The following KIAA1210 variants were observed in gnomAD, a reference collection of about 807,000 sequenced individuals.
KIAA1210 encodes the protein acrosomal protein KIAA1210.
KIAA1210 carries 48 observed loss-of-function variants against 78.9 expected under a neutral mutation model. The observed-to-expected ratio is 0.61, with a 90% CI of 0.48 to 0.77. The LOEUF is 0.77. KIAA1210 is among the 30% of genes least tolerant of loss of function. The pLI, the probability that KIAA1210 is intolerant of heterozygous loss-of-function variation, is 0.00. For missense variants in KIAA1210, 1,108 were observed against 1,100.0 expected, an observed-to-expected ratio of 1.01 and a Z score of -0.10; for synonymous variants, 406 against 404.5, an observed-to-expected ratio of 1.00 and a Z score of -0.04.
rs762220292 is a variant in KIAA1210 at position 119,087,828 on chromosome X, T to C, written c.2874A>G (p.Gln958=). The change falls in exon 9 of 12, where the codon CAA becomes CAG. Residue 958 remains glutamine, a synonymous_variant. Transcript: ENST00000691062. ...SQLTVGNKVQ[Q]LSSNFERAAI... is the part of the protein sequence containing the mutation. ...CAGCCCGCTCGAAATTTGAGGACAG[T>C]TGCTGGACTTTATTTCCCACAGTCA... 3.3e-6 allele frequency: 4 copies of C among 1,211,480 alleles called. No individual in the cohort carries two copies. The Admixed American group carries it at 8.7e-5, about 26-fold the overall frequency.
chrX:119,087,727 T>C lies in KIAA1210; in HGVS notation c.2975A>G (p.Gln992Arg), dbSNP rs750723232. 32 of 1,210,135 alleles carry C rather than the reference T, an allele frequency of 2.6e-5. No homozygotes were observed. In the East Asian group the frequency reaches 9.5e-4, roughly 36 times the overall value. The part of the protein sequence containing the change: ...ATQFLKRSKV[Q>R]EMTSRLEKMA... The stretch of plus-strand genomic sequence containing the variant: ...TTTCTCTAGTCGTGAGGTCATTTCC[T>C]GAACTTTAGACCTCTTTAAGAACTG... The change falls in exon 9 of 12, where the codon CAG becomes CGG. Residue 992 changes from glutamine (Q) to arginine (R), a missense_variant. Physicochemically the swap from Gln to Arg is conservative, Grantham distance 43. Coordinates refer to ENST00000691062, the MANE Select transcript of KIAA1210 (RefSeq NM_001394962.1).
At chrX:119,134,575 C>T (rs752694078) in intron 2 of KIAA1210, among the ~76,000 whole-genome samples, 1 of 112,206 alleles carries the variant, frequency 8.9e-6, no homozygotes, top group Non-Finnish European at 1.9e-5. Flanking sequence ...GATCATCAAA[C>T]AGATGCCCAA....
At chrX:119,149,276 C>T (rs1929236824) in intron 1 of KIAA1210, among the ~76,000 whole-genome samples, 1 of 111,530 alleles carries the variant, frequency 9.0e-6, no homozygotes, top group African/African-American at 3.3e-5. Context: ...CTGCTGTTTA[C>T]TGGCCTGGTC....
intron 2 of KIAA1210, among the ~76,000 whole-genome samples, chrX:119,119,077 C>T (rs1398706487): frequency 8.9e-6 from 1 of 112,361 alleles, no homozygotes; most frequent in African/African-American, 3.2e-5. Context: ...ATAATTTAAA[C>T]ACTGGCCCTT....
chrX:119,120,138 T>TC (rs1245951978), intron 2 of KIAA1210, among the ~76,000 whole-genome samples: 3 of 111,409 alleles, frequency 2.7e-5, no homozygotes, highest in Non-Finnish European at 5.7e-5. Context: ...CACTGTACTC[T>TC]CCCCTGGGCA....
At chrX:119,142,047 C>G (rs1929060777) in intron 2 of KIAA1210, among the ~76,000 whole-genome samples, 1 of 112,182 alleles carries the variant, frequency 8.9e-6, no homozygotes, top group Non-Finnish European at 1.9e-5. Flanking sequence ...TGACGCTGGA[C>G]AAATCTAGGT....
rs1393331968 is a variant in KIAA1210 at position 119,089,643 on chromosome X, C to G, written c.1059G>C (p.Met353Ile). ...TDASRSQGYP[M>I]SAAYGRRWRR... ...TCCATCTTCTTCCATATGCTGCTGA[C>G]ATTGGATAGCCCTGACTCCGAGAAG... Residue 353 changes from methionine to isoleucine, a missense_variant, in exon 9 of 12, where the codon ATG becomes ATC. Met to Ile is a conservative substitution (Grantham distance 10). Coordinates refer to ENST00000691062, the MANE Select transcript of KIAA1210 (RefSeq NM_001394962.1). 8.3e-7 allele frequency: 1 copy of G among 1,211,444 alleles called. No individual in the cohort carries two copies. The highest frequency in any genetic ancestry group is 1.1e-6 in the Non-Finnish European group (1 of 895,179).
At chrX:119,137,431 C>T (rs1359043894) in intron 2 of KIAA1210, among the ~76,000 whole-genome samples, 1 of 112,777 alleles carries the variant, frequency 8.9e-6, no homozygotes, top group Non-Finnish European at 1.9e-5. Flanking sequence ...AAGCCCGCGT[C>T]CTGAAATCTG....
rs755098892 is a variant in KIAA1210, at chrX:119,096,666, G to A, written c.674C>T (p.Pro225Leu). Residue 225 changes from proline to leucine, a missense_variant, in exon 7 of 12, where the codon CCT becomes CTT. Physicochemically the swap from Pro to Leu is moderately conservative, Grantham distance 98. This residue lies in a region of KIAA1210 where 672 missense variants were observed against 607.1 expected (regional missense o/e 1.11). Coordinates refer to ENST00000691062, the MANE Select transcript of KIAA1210 (RefSeq NM_001394962.1). ...TGCAGTCAAGGACTGTGAGCAATCAGGTCCAGATGATAACTCAGAGAAGCT... is the reference window on the plus strand; with the variant it reads ...TGCAGTCAAGGACTGTGAGCAATCAAGTCCAGATGATAACTCAGAGAAGCT... ...TQSFSELSSG[P>L]DCSQSLTAFA... 2.7e-5 allele frequency: 33 copies of A among 1,203,951 alleles called. No individual in the cohort carries two copies. Among genetic ancestry groups the A allele is most frequent in the Non-Finnish European group, 3.6e-5 (32 of 891,696 alleles).
At chrX:119,134,500 A>G (rs16995426) in intron 2 of KIAA1210, among the ~76,000 whole-genome samples, 1 of 112,192 alleles carries the variant, frequency 8.9e-6, no homozygotes, top group Non-Finnish European at 1.9e-5. Context: ...GCAGCAAGAC[A>G]TACCAGGGAG....
chrX:119,124,382 A>G (rs1928558244), intron 1 of KIAA1210, among the ~76,000 whole-genome samples: 1 of 112,390 alleles, frequency 8.9e-6, no homozygotes, highest in African/African-American at 3.2e-5. Context: ...TGAATTGTAT[A>G]CTTTAAATAG....
In KIAA1210 at chrX:119,081,436, G is replaced by A. The variant is rs1358652790; in HGVS notation, c.4495C>T (p.Leu1499Phe). 1.7e-6 allele frequency: 2 copies of A among 1,210,813 alleles called. No homozygotes were observed. The highest frequency in any genetic ancestry group is 2.2e-6 in the Non-Finnish European group (2 of 894,913). ...MEKETKRSST[L>F]PAKFQNPVEP... Reference sequence around the variant, plus strand: ...ACTGGGTTCTGGAACTTGGCTGGGAGAGTTGAAGATCGTTTGGTTTCTTTT... The same window carrying A: ...ACTGGGTTCTGGAACTTGGCTGGGAAAGTTGAAGATCGTTTGGTTTCTTTT... Residue 1499 changes from leucine to phenylalanine, a missense_variant, in exon 12 of 12, where the codon CTC becomes TTC. By Grantham distance (22) the Leu-to-Phe change is conservative. Coordinates refer to ENST00000691062, the MANE Select transcript of KIAA1210 (RefSeq NM_001394962.1).
At chrX:119,095,398 C>T (rs1927518281) in intron 7 of KIAA1210, among the ~76,000 whole-genome samples, 1 of 107,346 alleles carries the variant, frequency 9.3e-6, no homozygotes, top group Non-Finnish European at 1.9e-5. Context: ...CATTTTTTAA[C>T]TTTTTTTTTT....
At chrX:119,131,924 C>T (rs1286507487), upstream of KIAA1210, among the ~76,000 whole-genome samples, 2 of 111,950 alleles carry the variant, frequency 1.8e-5, no homozygotes, top group African/African-American at 6.5e-5. Flanking sequence ...AAATACAAAA[C>T]GTAGCCAGGC....
chrX:119,110,028 T>G (rs915054702), intron 3 of KIAA1210, among the ~76,000 whole-genome samples: 6 of 111,773 alleles, frequency 5.4e-5, no homozygotes, highest in Admixed American at 9.6e-5. Context: ...TGGTAATGTA[T>G]TTTACCTTTA....
intron 2 of KIAA1210, 65 bp downstream of exon 2, chrX:119,123,517 A>G: frequency 1.2e-6 from 1 of 819,159 alleles, no homozygotes; most frequent in Non-Finnish European, 1.8e-6. Flanking sequence ...TCTTTGTCCT[A>G]GGAGCTAAAT....
At chrX:119,135,405 G>A (rs1569323763) in intron 2 of KIAA1210, among the ~76,000 whole-genome samples, 2 of 112,080 alleles carry the variant, frequency 1.8e-5, no homozygotes, top group Non-Finnish European at 3.8e-5. Context: ...ATTGTGATGA[G>A]GGATCTTAAG....
At chrX:119,114,409 G>T (rs867437182) in intron 3 of KIAA1210, among the ~76,000 whole-genome samples, 2 of 112,358 alleles carry the variant, frequency 1.8e-5, no homozygotes, top group African/African-American at 3.2e-5. Context: ...TTATAAAACA[G>T]CAGTCCAGCA....
At chrX:119,095,807 C>T (rs949828912) in intron 7 of KIAA1210, among the ~76,000 whole-genome samples, 12 of 112,423 alleles carry the variant, frequency 1.1e-4, no homozygotes, top group Admixed American at 3.8e-4. Context: ...ATAAAATTAT[C>T]TATTACATTG....
Sources: gnomAD v4.1 joint callset for allele counts (sites outside exome capture counted in the v4.1 genomes callset) on GRCh38, gnomAD v4.1.1 for gene constraint, gnomAD v4.1.1 regional missense constraint, MANE v1.5 for transcripts, NCBI Gene and HGNC (gene_info 2026-07-23, HGNC 2026-07-21) for gene names.